MEI1: variants seen among roughly 807,000 people sequenced by gnomAD.
The protein encoded by MEI1 is meiosis inhibitor protein 1.
In MEI1, 103 loss-of-function variants were observed where a neutral mutation model predicts 146.2. That is an observed-to-expected ratio of 0.70 (90% CI 0.60 to 0.83). The LOEUF is 0.83. Among genes scored for constraint, MEI1 ranks in the 40% least tolerant of loss-of-function variants. The pLI, the probability that MEI1 is intolerant of heterozygous loss-of-function variation, is 0.00. For missense variants in MEI1, 1,529 were observed against 1,533.0 expected, an observed-to-expected ratio of 1.00 and a Z score of 0.04; for synonymous variants, 652 against 628.2, an observed-to-expected ratio of 1.04 and a Z score of -0.57.
In MEI1 at chr22:41,731,371, C is replaced by T. The variant is rs541572368; in HGVS notation, c.1096+734C>T. ...CAGGCGACTTTTTCTTTTTTTGAGA[C>T]GGAGTCCTGCTCTGTCACCCAGGCT... is the stretch of plus-strand genomic sequence containing the variant. On this transcript the variant is annotated intron_variant, in intron 9 of 30. Coordinates refer to ENST00000401548, the MANE Select transcript of MEI1 (RefSeq NM_152513.4). Among the ~76,000 whole-genome samples, 6 of 146,450 alleles carry T rather than the reference C, an allele frequency of 4.1e-5. No homozygotes were observed. In the East Asian group the frequency reaches 1.2e-3, roughly 30 times the overall value.
At chr22:41,755,150 TG>T (rs1490876839) in intron 17 of MEI1, among the ~76,000 whole-genome samples, 7 of 152,184 alleles carry the variant, frequency 4.6e-5, no homozygotes, top group Non-Finnish European at 7.4e-5. Flanking sequence ...TATAACAGTA[TG>T]TTATTTGCCC....
intron 6 of MEI1, among the ~76,000 whole-genome samples, chr22:41,721,166 G>C (rs1022285568): frequency 2.0e-5 from 3 of 148,248 alleles, no homozygotes; most frequent in African/African-American, 7.6e-5. Flanking sequence ...GCCCATCTCG[G>C]CCTCCCCAGG....
intron 11 of MEI1, among the ~76,000 whole-genome samples, chr22:41,737,917 T>A (rs5758444): frequency 0.81 from 123,540 of 152,018 alleles, 50,856 homozygotes; most frequent in East Asian, 0.94. Context: ...TCTTAAAAAA[T>A]AATAATAATA....
In MEI1 at chr22:41,703,531, T is replaced by C. The variant is rs1007008359; in HGVS notation, c.298+77T>C. On this transcript the variant is annotated intron_variant, in intron 2 of 30. Transcript: ENST00000401548. ...TCTGCTTTTGGGGCTCTTGGAAAAA[T>C]GATCTTAGATGATTTAGGTTTTTTG... is the stretch of plus-strand genomic sequence containing the variant. The C allele has an allele frequency of 8.4e-6, 11 of 1,307,714 alleles. No homozygotes were observed. In the Admixed American group the frequency reaches 1.0e-4, roughly 12 times the overall value. 81.0% of individuals were successfully genotyped at this position (1,307,714 alleles called of 1,614,324 possible). A position where few individuals can be genotyped will look rare whatever the true frequency, so the allele number is the denominator to read the frequency against.
At chr22:41,744,294 C>T (rs1462021859) in intron 12 of MEI1, among the ~76,000 whole-genome samples, 3 of 152,068 alleles carry the variant, frequency 2.0e-5, no homozygotes, top group Admixed American at 6.6e-5. Flanking sequence ...CCTCAGCCTC[C>T]CTAGTAGCTG....
chr22:41,699,963 C>G (rs2068568787), intron 1 of MEI1, among the ~76,000 whole-genome samples: 1 of 152,228 alleles, frequency 6.6e-6, no homozygotes, highest in Non-Finnish European at 1.5e-5. Context: ...GGACGGAAAT[C>G]CGGATCCCCC....
At chr22:41,784,219 C>A (rs559326471) in intron 24 of MEI1, 120 bp from the exon 25 acceptor site, 2 of 845,026 alleles carry the variant, frequency 2.4e-6, no homozygotes, top group Middle Eastern at 3.4e-4. Flanking sequence ...TGGCCTCCTC[C>A]GTCCCCTTTT....
chr22:41,755,598 G>C (rs892328833), intron 17 of MEI1, among the ~76,000 whole-genome samples: 12 of 152,134 alleles, frequency 7.9e-5, no homozygotes, highest in African/African-American at 1.2e-4. Context: ...CAGTTCCCTT[G>C]CTTGTCAAAC....
chr22:41,775,706 G>C (rs1462155563), intron 20 of MEI1, among the ~76,000 whole-genome samples: 1 of 150,908 alleles, frequency 6.6e-6, no homozygotes, highest in South Asian at 2.1e-4. Context: ...CCATCCTCCT[G>C]TCTCAGCCTC....
intron 22 of MEI1, among the ~76,000 whole-genome samples, chr22:41,780,742 A>G (rs1450660708): frequency 6.6e-6 from 1 of 152,014 alleles, no homozygotes; most frequent in Non-Finnish European, 1.5e-5. Context: ...CACCATGCCC[A>G]GCTAATTTTT....
intron 18 of MEI1, among the ~76,000 whole-genome samples, chr22:41,762,825 CAAG>C (rs905365914): frequency 2.0e-5 from 3 of 151,958 alleles, no homozygotes; most frequent in Non-Finnish European, 1.5e-5. Flanking sequence ...ATGATAAATA[CAAG>C]AAGAGAGGGG....
chr22:41,780,706 G>A (rs569126961), intron 22 of MEI1, among the ~76,000 whole-genome samples: 39 of 151,172 alleles, frequency 2.6e-4, no homozygotes, highest in African/African-American at 8.8e-4. Flanking sequence ...TCAGCCTCTC[G>A]AGTAGCTGGG....
At chr22:41,721,435 G>A (rs1024437115) in intron 6 of MEI1, among the ~76,000 whole-genome samples, 3 of 150,950 alleles carry the variant, frequency 2.0e-5, no homozygotes, top group African/African-American at 2.4e-5. Flanking sequence ...TAGTAGAGAC[G>A]GGGTTTCACC....
intron 6 of MEI1, among the ~76,000 whole-genome samples, chr22:41,721,237 C>CTTT (rs984702207): frequency 4.9e-3 from 348 of 70,452 alleles, no homozygotes; most frequent in Non-Finnish European, 6.4e-3. Flanking sequence ...CACGCCCGTT[C>CTTT]TTTTTTTTTT....
intron 27 of MEI1, among the ~76,000 whole-genome samples, chr22:41,794,131 T>G (rs1299250994): frequency 5.3e-5 from 8 of 152,238 alleles, no homozygotes; most frequent in Non-Finnish European, 1.2e-4. Context: ...CACAATGCTC[T>G]TAAGTGGCAG....
At chr22:41,705,830 C>T (rs1257405078) in intron 3 of MEI1, among the ~76,000 whole-genome samples, 1 of 151,454 alleles carries the variant, frequency 6.6e-6, no homozygotes, top group African/African-American at 2.4e-5. Flanking sequence ...GCCTCAGCTT[C>T]CCGAGTAGCT....
chr22:41,774,759 T>G (rs2075356728), intron 20 of MEI1, among the ~76,000 whole-genome samples: 1 of 152,216 alleles, frequency 6.6e-6, no homozygotes, highest in Non-Finnish European at 1.5e-5. Flanking sequence ...ATAAATAATG[T>G]ATAAACAAAT....
At chr22:41,766,424 C>A (rs940990711) in intron 19 of MEI1, among the ~76,000 whole-genome samples, 1 of 151,936 alleles carries the variant, frequency 6.6e-6, no homozygotes, top group South Asian at 2.1e-4. Context: ...CCCGCCTCAG[C>A]CTTCCAAAGT....
intron 2 of MEI1, 132 bp from the exon 3 acceptor site, chr22:41,705,372 A>T: frequency 1.3e-6 from 1 of 780,036 alleles, no homozygotes; most frequent in Non-Finnish European, 2.3e-6. Context: ...GGGTTTCGCC[A>T]TATTGGTCAG....
Sources: gnomAD v4.1 joint callset for allele counts (sites outside exome capture counted in the v4.1 genomes callset) on GRCh38, gnomAD v4.1.1 for gene constraint, MANE v1.5 for transcripts, NCBI Gene and HGNC (gene_info 2026-07-23, HGNC 2026-07-21) for gene names.